AFF2: variants seen among roughly 807,000 people sequenced by gnomAD.
AFF2 encodes AF4/FMR2 family member 2.
A neutral mutation model predicts 76.9 loss-of-function variants in AFF2; 14 were observed. The observed-to-expected ratio is 0.18, with a 90% confidence interval of 0.12 to 0.28. The LOEUF is 0.28. Ranked by LOEUF, AFF2 falls within the 10% of genes least tolerant of loss-of-function variation. The pLI, the probability that AFF2 is intolerant of heterozygous loss-of-function variation, is 1.00. For missense variants in AFF2, 868 were observed against 1,001.1 expected, an observed-to-expected ratio of 0.87 and a Z score of 1.79; for synonymous variants, 398 against 366.7, an observed-to-expected ratio of 1.09 and a Z score of -0.98.
At chrX:148,978,906 G>A (rs953109672) in intron 18 of AFF2, among the ~76,000 whole-genome samples, 2 of 112,161 alleles carry the variant, frequency 1.8e-5, no homozygotes, top group Admixed American at 1.9e-4. Flanking sequence ...GAGTCTTGGA[G>A]TGCAGTAGTT....
At chrX:148,622,665 T>C (rs1364977553) in intron 1 of AFF2, among the ~76,000 whole-genome samples, 1 of 111,537 alleles carries the variant, frequency 9.0e-6, no homozygotes, top group Non-Finnish European at 1.9e-5. Flanking sequence ...CAGGCTCAGT[T>C]TCTATGCTCA....
intron 9 of AFF2, among the ~76,000 whole-genome samples, chrX:148,908,236 C>T (rs1366838035): frequency 9.0e-6 from 1 of 111,062 alleles, no homozygotes; most frequent in African/African-American, 3.3e-5. Flanking sequence ...CCTCAGCTTT[C>T]GAAGATGATG....
intron 9 of AFF2, among the ~76,000 whole-genome samples, chrX:148,936,082 T>G (rs1198808212): frequency 1.8e-5 from 2 of 111,434 alleles, no homozygotes; most frequent in Non-Finnish European, 3.8e-5. Flanking sequence ...AGATAAATCT[T>G]AAAAGTACAT....
chrX:148,802,565 C>T (rs782387128), intron 3 of AFF2, among the ~76,000 whole-genome samples: 31 of 111,926 alleles, frequency 2.8e-4, no homozygotes, highest in Non-Finnish European at 5.1e-4. Flanking sequence ...ACACTGGGTA[C>T]TCGGAATATA....
At chrX:148,706,505 A>T (rs1221084106) in intron 3 of AFF2, among the ~76,000 whole-genome samples, 1 of 112,554 alleles carries the variant, frequency 8.9e-6, no homozygotes, top group Non-Finnish European at 1.9e-5. Flanking sequence ...ACACGCTTCC[A>T]CTACTGTAAT....
chrX:148,731,553 A>T (rs2055219728), intron 3 of AFF2, among the ~76,000 whole-genome samples: 1 of 111,896 alleles, frequency 8.9e-6, no homozygotes, highest in Admixed American at 9.5e-5. Flanking sequence ...ACCACTGGAT[A>T]CAGAGTCAAA....
In AFF2 at chrX:148,994,152, A is replaced by G. The variant is rs1228278861; in HGVS notation, c.*2820A>G. The G allele has an allele frequency of 3.6e-5, 4 of 111,725 alleles. No homozygotes were observed. Among genetic ancestry groups the G allele is most frequent in the Non-Finnish European group, 7.5e-5 (4 of 53,133 alleles). The allele number at this position is 111,725 out of a possible 1,213,427, so 9.2% of individuals were successfully genotyped here. A position where few individuals can be genotyped will look rare whatever the true frequency, so the allele number is the denominator to read the frequency against. On this transcript the variant is annotated 3_prime_UTR_variant, in exon 21 of 21. Transcript: ENST00000370460. ...AGAGGGCAGAGTAAAAGGAAGCTCC[A>G]TCTGAGCAAGTACACCAAATGATCT...
At chrX:148,706,715 T>G in intron 3 of AFF2, among the ~76,000 whole-genome samples, 1 of 112,783 alleles carries the variant, frequency 8.9e-6, no homozygotes, top group Middle Eastern at 4.6e-3. Context: ...CCTATGCCCT[T>G]ATTTCAGCTT....
chrX:148,627,784 A>G (rs782339381), intron 1 of AFF2, among the ~76,000 whole-genome samples: 9 of 103,616 alleles, frequency 8.7e-5, no homozygotes, highest in Non-Finnish European at 1.8e-4. Context: ...ACACAGGACA[A>G]GGAGCAAGTT....
At chrX:148,567,090 G>A (rs1456750721) in intron 1 of AFF2, among the ~76,000 whole-genome samples, 1 of 111,898 alleles carries the variant, frequency 8.9e-6, no homozygotes, top group Non-Finnish European at 1.9e-5. Flanking sequence ...CAAATAGCAG[G>A]AAGTCAATAT....
At chrX:148,655,003 C>T (rs1214462707) in intron 2 of AFF2, among the ~76,000 whole-genome samples, 4 of 111,208 alleles carry the variant, frequency 3.6e-5, no homozygotes, top group African/African-American at 1.3e-4. Flanking sequence ...TTTTAAGTCA[C>T]GATGAATTGA....
intron 7 of AFF2, among the ~76,000 whole-genome samples, chrX:148,879,615 G>A (rs1337959693): frequency 9.0e-6 from 1 of 111,696 alleles, no homozygotes; most frequent in African/African-American, 3.3e-5. Flanking sequence ...TACTCAACCT[G>A]GCCATTGTAG....
At chrX:148,612,973 T>A (rs1388639389) in intron 1 of AFF2, among the ~76,000 whole-genome samples, 1 of 111,588 alleles carries the variant, frequency 9.0e-6, no homozygotes, top group Non-Finnish European at 1.9e-5. Context: ...ATAATAATGA[T>A]CACATCATAG....
intron 9 of AFF2, among the ~76,000 whole-genome samples, chrX:148,944,251 G>T (rs1382947901): frequency 8.9e-6 from 1 of 111,843 alleles, no homozygotes; most frequent in South Asian, 3.8e-4. Flanking sequence ...ATTCCTCCAT[G>T]GAAGCAGTTT....
chrX:148,530,555 A>C (rs895492458), intron 1 of AFF2, among the ~76,000 whole-genome samples: 5 of 103,875 alleles, frequency 4.8e-5, no homozygotes, highest in Non-Finnish European at 9.7e-5. Context: ...ATGCGTTGAG[A>C]TTTCCTAAGT....
chrX:148,788,747 GTC>G (rs782363871), intron 3 of AFF2, among the ~76,000 whole-genome samples: 55 of 112,132 alleles, frequency 4.9e-4, no homozygotes, highest in African/African-American at 1.7e-3. Context: ...CGTGTGGAGG[GTC>G]TCTCAGGGAA....
intron 3 of AFF2, among the ~76,000 whole-genome samples, chrX:148,718,548 G>A (rs1240289263): frequency 1.8e-5 from 2 of 111,167 alleles, no homozygotes; most frequent in South Asian, 3.8e-4. Flanking sequence ...TAACTGGGTC[G>A]CCGTGAAGTT....
intron 1 of AFF2, among the ~76,000 whole-genome samples, chrX:148,516,342 T>G (rs1365374546): frequency 9.0e-6 from 1 of 111,577 alleles, no homozygotes; most frequent in Admixed American, 9.5e-5. Flanking sequence ...GAAGCAGATA[T>G]TCAACATCCT....
At chrX:148,725,106 G>A (rs2055140785) in intron 3 of AFF2, among the ~76,000 whole-genome samples, 1 of 111,149 alleles carries the variant, frequency 9.0e-6, no homozygotes, top group Non-Finnish European at 1.9e-5. Flanking sequence ...GACTCTTACA[G>A]CACACCTAAA....
Sources: gnomAD v4.1 joint callset for allele counts (sites outside exome capture counted in the v4.1 genomes callset) on GRCh38, gnomAD v4.1.1 for gene constraint, MANE v1.5 for transcripts, NCBI Gene and HGNC (gene_info 2026-07-23, HGNC 2026-07-21) for gene names.